The following WDPCP variants were observed in gnomAD, a reference collection of about 807,000 sequenced individuals.
The protein encoded by WDPCP is WD repeat containing planar cell polarity effector.
A neutral mutation model predicts 93.1 loss-of-function variants in WDPCP; 71 were observed. That is an observed-to-expected ratio of 0.76 (90% CI 0.63 to 0.93). WDPCP has a LOEUF of 0.93. Ranked by LOEUF, WDPCP falls within the 40% of genes least tolerant of loss-of-function variation. The pLI, the probability that WDPCP is intolerant of heterozygous loss-of-function variation, is 0.00. For missense variants in WDPCP, 844 were observed against 887.4 expected, an observed-to-expected ratio of 0.95 and a Z score of 0.62; for synonymous variants, 315 against 315.0, an observed-to-expected ratio of 1.00 and a Z score of 0.00.
chr2:63,124,094 G>GTT (rs371994534), intron 17 of WDPCP, among the ~76,000 whole-genome samples: 19 of 134,878 alleles, frequency 1.4e-4, no homozygotes, highest in Non-Finnish European at 2.4e-4. Flanking sequence ...TAGGCATGAA[G>GTT]TTTTTTTTTT....
At chr2:63,277,413 G>C (rs908371822) in intron 13 of WDPCP, among the ~76,000 whole-genome samples, 2 of 152,154 alleles carry the variant, frequency 1.3e-5, no homozygotes, top group African/African-American at 4.8e-5. Flanking sequence ...CAATATTAAT[G>C]TTGAATGTAA....
Position 63,430,300 on chromosome 2 carries a change from G to C in WDPCP, c.825+3445C>G, listed in dbSNP as rs547687372. On this transcript the variant is annotated intron_variant, in intron 9 of 17. Transcript: ENST00000272321. The stretch of plus-strand genomic sequence containing the variant: ...TGCTCACTACCTGGGTGATGGTTTC[G>C]ATCATACCCCAAACCACAGCAACCT... Among the ~76,000 whole-genome samples, 9 of 152,102 alleles carry C rather than the reference G, an allele frequency of 5.9e-5. No individual in the cohort carries two copies. The South Asian group carries it at 1.9e-3, about 32-fold the overall frequency.
chr2:63,773,576 C>G (rs1055155181), intron 2 of WDPCP, among the ~76,000 whole-genome samples: 3 of 152,012 alleles, frequency 2.0e-5, no homozygotes, highest in Non-Finnish European at 4.4e-5. Context: ...GAATTTTGTA[C>G]TTTTCTGTAT....
intron 12 of WDPCP, among the ~76,000 whole-genome samples, chr2:63,345,118 A>C (rs1156874735): frequency 1.3e-5 from 2 of 151,834 alleles, no homozygotes; most frequent in Admixed American, 1.3e-4. Context: ...TAATGATATC[A>C]CTCCTGCTTC....
intron 12 of WDPCP, among the ~76,000 whole-genome samples, chr2:63,343,897 T>C (rs1382047076): frequency 6.6e-6 from 1 of 152,192 alleles, no homozygotes; most frequent in Non-Finnish European, 1.5e-5. Flanking sequence ...ATTGATATTC[T>C]CTATTTGCTG....
intron 6 of WDPCP, among the ~76,000 whole-genome samples, chr2:63,481,132 G>A (rs941160331): frequency 2.0e-5 from 3 of 151,968 alleles, no homozygotes; most frequent in African/African-American, 7.2e-5. Context: ...GCAAACACAT[G>A]GAAAAACGCT....
intron 13 of WDPCP, among the ~76,000 whole-genome samples, chr2:63,302,485 A>G (rs550018068): frequency 1.2e-3 from 183 of 152,272 alleles, no homozygotes; most frequent in African/African-American, 4.1e-3. Flanking sequence ...TGTTCTTCCA[A>G]CTTTGGAAAA....
chr2:63,620,402 T>C (rs1439307821), intron 3 of WDPCP, among the ~76,000 whole-genome samples: 1 of 152,218 alleles, frequency 6.6e-6, no homozygotes, highest in Non-Finnish European at 1.5e-5. Context: ...AAACAAAGCC[T>C]TTCGGAAGTT....
intron 6 of WDPCP, among the ~76,000 whole-genome samples, chr2:63,446,175 G>C (rs1484678908): frequency 1.3e-5 from 2 of 152,078 alleles, no homozygotes; most frequent in Non-Finnish European, 2.9e-5. Context: ...TAAACCAGGG[G>C]TCCCCAATGC....
chr2:63,426,176 T>C (rs529583649), intron 9 of WDPCP, among the ~76,000 whole-genome samples: 255 of 152,206 alleles, frequency 1.7e-3, no homozygotes, highest in Non-Finnish European at 2.8e-3. Context: ...CCATTTCTAC[T>C]AAAAATTACA....
chr2:63,703,776 A>AATGTGGACT (rs1037464255), intron 2 of WDPCP, among the ~76,000 whole-genome samples: 7 of 152,130 alleles, frequency 4.6e-5, no homozygotes, highest in Non-Finnish European at 4.4e-5. Flanking sequence ...TTGACTTGGC[A>AATGTGGACT]ATGTGGACTC....
intron 6 of WDPCP, among the ~76,000 whole-genome samples, chr2:63,448,061 C>T (rs943297427): frequency 3.3e-5 from 5 of 152,080 alleles, no homozygotes; most frequent in African/African-American, 1.2e-4. Context: ...CTTTTCAGTT[C>T]ATTTGGTATG....
intron 2 of WDPCP, among the ~76,000 whole-genome samples, chr2:63,770,747 A>T (rs1006796208): frequency 6.6e-6 from 1 of 151,928 alleles, no homozygotes; most frequent in African/African-American, 2.4e-5. Flanking sequence ...TTCCCTCACA[A>T]GTATACAACA....
chr2:63,224,944 C>A (rs985275815), intron 14 of WDPCP, among the ~76,000 whole-genome samples: 6 of 151,376 alleles, frequency 4.0e-5, no homozygotes, highest in African/African-American at 1.5e-4. Context: ...ACAGATGTAC[C>A]ATTCTAGAAG....
chr2:63,128,733 A>T (rs1465837580), intron 17 of WDPCP, among the ~76,000 whole-genome samples: 1 of 152,158 alleles, frequency 6.6e-6, no homozygotes, highest in Non-Finnish European at 1.5e-5. Flanking sequence ...CAGTGGCGCA[A>T]TCTTGACTCA....
chr2:63,681,856 T>C (rs1575746270), intron 2 of WDPCP, among the ~76,000 whole-genome samples: 1 of 152,048 alleles, frequency 6.6e-6, no homozygotes, highest in African/African-American at 2.4e-5. Context: ...CCTCCCTTTG[T>C]TTGAGAGAAA....
intron 17 of WDPCP, among the ~76,000 whole-genome samples, chr2:63,134,205 T>C (rs1432268338): frequency 6.6e-6 from 1 of 152,210 alleles, no homozygotes; most frequent in Non-Finnish European, 1.5e-5. Flanking sequence ...GGTCAAATCC[T>C]TGTTATTTTG....
intron 1 of WDPCP, among the ~76,000 whole-genome samples, chr2:63,534,506 T>A (rs1704113972): frequency 6.6e-6 from 1 of 152,136 alleles, no homozygotes; most frequent in Non-Finnish European, 1.5e-5. Flanking sequence ...AAAAAGCTTA[T>A]CCATGACAAT....
At chr2:63,140,540 G>A (rs1042367110) in intron 17 of WDPCP, among the ~76,000 whole-genome samples, 2 of 139,830 alleles carry the variant, frequency 1.4e-5, no homozygotes, top group Admixed American at 7.7e-5. Flanking sequence ...CCTTGGTTAG[G>A]TATATTCCTA....
Sources: gnomAD v4.1 joint callset for allele counts (sites outside exome capture counted in the v4.1 genomes callset) on GRCh38, gnomAD v4.1.1 for gene constraint, MANE v1.5 for transcripts, NCBI Gene and HGNC (gene_info 2026-07-23, HGNC 2026-07-21) for gene names.